The following RYR2 variants were observed in gnomAD, a reference collection of about 807,000 sequenced individuals.
RYR2 encodes ryanodine receptor 2, also known as cardiac muscle ryanodine receptor-calcium release channel.
Under a neutral mutation model 601.1 loss-of-function variants are expected in RYR2, and 227 were observed. The ratio of observed to expected loss-of-function variants is 0.38; its 90% CI spans 0.34 to 0.42. The LOEUF is 0.42. Ranked by LOEUF, RYR2 falls within the 10% of genes least tolerant of loss-of-function variation. RYR2 has a pLI of 1.00. For synonymous variants in RYR2, 2,223 were observed against 2,175.1 expected, an observed-to-expected ratio of 1.02 and a Z score of -0.61; for missense variants, 4,646 against 6,156.5, an observed-to-expected ratio of 0.75 and a Z score of 8.21.
At chr1:237,550,202 C>T (rs1670244279) in intron 26 of RYR2, among the ~76,000 whole-genome samples, 1 of 152,198 alleles carries the variant, frequency 6.6e-6, no homozygotes, top group Non-Finnish European at 1.5e-5. Context: ...TGGAATAAAA[C>T]CCTGTCCATG....
At chr1:237,112,939 T>G (rs1330221950) in intron 1 of RYR2, among the ~76,000 whole-genome samples, 2 of 152,184 alleles carry the variant, frequency 1.3e-5, no homozygotes, top group East Asian at 3.9e-4. Flanking sequence ...TGCAGAGCCC[T>G]GGCGTCATAT....
At chr1:237,493,599 C>T (rs1261538108) in intron 19 of RYR2, among the ~76,000 whole-genome samples, 4 of 151,954 alleles carry the variant, frequency 2.6e-5, no homozygotes, top group Non-Finnish European at 2.9e-5. Context: ...ACTACAGGTG[C>T]CCGCCACCAC....
At chr1:237,347,135 A>G (rs573994552) in intron 3 of RYR2, among the ~76,000 whole-genome samples, 1 of 152,166 alleles carries the variant, frequency 6.6e-6, no homozygotes, top group South Asian at 2.1e-4. Flanking sequence ...AGCCTGGGCA[A>G]CAAAGAGAGA....
intron 87 of RYR2, among the ~76,000 whole-genome samples, chr1:237,775,127 AT>A (rs1436383535): frequency 6.7e-6 from 1 of 149,980 alleles, no homozygotes; most frequent in East Asian, 2.0e-4. Context: ...CTTATTACTT[AT>A]TTTTTATATG....
chr1:237,642,354 G>GT (rs1352200774), intron 47 of RYR2, among the ~76,000 whole-genome samples: 3 of 152,112 alleles, frequency 2.0e-5, no homozygotes, highest in African/African-American at 7.2e-5. Flanking sequence ...TTTGCTGCTA[G>GT]TAAGATTCTT....
intron 4 of RYR2, among the ~76,000 whole-genome samples, chr1:237,356,421 T>A (rs987365374): frequency 6.8e-6 from 1 of 146,300 alleles, no homozygotes; most frequent in Non-Finnish European, 1.5e-5. Context: ...TCATAGAAAG[T>A]CATAGAACCT....
intron 8 of RYR2, among the ~76,000 whole-genome samples, chr1:237,382,858 C>T (rs1198963565): frequency 6.6e-6 from 1 of 151,304 alleles, no homozygotes; most frequent in Non-Finnish European, 1.5e-5. Context: ...GGTAATGGAA[C>T]CATAAAATAT....
intron 50 of RYR2, 25 bp from the exon 51 acceptor site, chr1:237,651,386 A>G (rs181585630): frequency 2.0e-6 from 3 of 1,497,146 alleles, no homozygotes; most frequent in South Asian, 2.4e-5. Flanking sequence ...TCTTGGCATT[A>G]TGAACATTAG....
At chr1:237,561,477 T>A (rs1240341716) in intron 27 of RYR2, among the ~76,000 whole-genome samples, 1 of 152,152 alleles carries the variant, frequency 6.6e-6, no homozygotes, top group African/African-American at 2.4e-5. Flanking sequence ...GAATTAGATG[T>A]TGAAAGGATC....
chr1:237,363,639 G>A (rs565385263), intron 4 of RYR2, among the ~76,000 whole-genome samples: 3 of 151,986 alleles, frequency 2.0e-5, no homozygotes, highest in Non-Finnish European at 4.4e-5. Flanking sequence ...ACTCTCCTAG[G>A]AATAAGTAGT....
At chr1:237,276,949 C>T (rs1028081204) in intron 2 of RYR2, among the ~76,000 whole-genome samples, 3 of 151,958 alleles carry the variant, frequency 2.0e-5, no homozygotes, top group Admixed American at 2.0e-4. Context: ...ATTTAAATTT[C>T]AAAATTAAGA....
intron 2 of RYR2, among the ~76,000 whole-genome samples, chr1:237,294,465 A>G (rs1182207471): frequency 6.6e-6 from 1 of 152,072 alleles, no homozygotes; most frequent in African/African-American, 2.4e-5. Flanking sequence ...CCAAATCTCA[A>G]TGGCTTTCAA....
intron 3 of RYR2, among the ~76,000 whole-genome samples, chr1:237,350,888 A>G (rs531665654): frequency 4.6e-5 from 7 of 152,096 alleles, no homozygotes; most frequent in Middle Eastern, 3.4e-3. Context: ...GAATGAGGAT[A>G]TAGAAATCTG....
intron 1 of RYR2, among the ~76,000 whole-genome samples, chr1:237,045,868 G>GTTTTTTT (rs1558136067): frequency 2.9e-5 from 3 of 103,588 alleles, no homozygotes; most frequent in African/African-American, 1.3e-4. Flanking sequence ...CCTTGGTCAA[G>GTTTTTTT]GTTTTTTTTT....
chr1:237,189,328 AC>A (rs1459103793), intron 1 of RYR2, among the ~76,000 whole-genome samples: 3 of 152,116 alleles, frequency 2.0e-5, no homozygotes, highest in African/African-American at 7.2e-5. Context: ...GGCTGCTTCC[AC>A]CTTTTAGCTA....
At chr1:237,635,765 C>T (rs974787300) in intron 44 of RYR2, among the ~76,000 whole-genome samples, 1 of 152,216 alleles carries the variant, frequency 6.6e-6, no homozygotes, top group Non-Finnish European at 1.5e-5. Flanking sequence ...TCTGTTCCTA[C>T]ATACCAGCCT....
chr1:237,721,886 A>G (rs949298534), intron 73 of RYR2, among the ~76,000 whole-genome samples: 1 of 152,156 alleles, frequency 6.6e-6, no homozygotes, highest in Non-Finnish European at 1.5e-5. Context: ...TTCTACCCCC[A>G]TTAAATTGCT....
intron 1 of RYR2, among the ~76,000 whole-genome samples, chr1:237,133,939 A>AAAAAAC (rs1312132118): frequency 6.6e-6 from 1 of 151,248 alleles, no homozygotes; most frequent in Non-Finnish European, 1.5e-5. Flanking sequence ...AAAAAAAAAA[A>AAAAAAC]ACCAAGTGGG....
chr1:237,217,796 G>A (rs1225541579), intron 1 of RYR2, among the ~76,000 whole-genome samples: 1 of 152,190 alleles, frequency 6.6e-6, no homozygotes, highest in African/African-American at 2.4e-5. Context: ...GATGCACCCT[G>A]AGTATGCCCC....
Sources: gnomAD v4.1 joint callset for allele counts (sites outside exome capture counted in the v4.1 genomes callset) on GRCh38, gnomAD v4.1.1 for gene constraint, MANE v1.5 for transcripts, NCBI Gene and HGNC (gene_info 2026-07-23, HGNC 2026-07-21) for gene names.